CHGA: variants seen among roughly 807,000 people sequenced by gnomAD.
The protein encoded by CHGA is chromogranin-A.
CHGA carries 41 observed loss-of-function variants against 54.4 expected under a neutral mutation model. The observed-to-expected ratio is 0.75, with a 90% CI of 0.59 to 0.98. The LOEUF (loss-of-function observed/expected upper bound fraction) is 0.98, where lower values mean the gene tolerates loss of function less well. CHGA is among the 50% of genes least tolerant of loss of function. CHGA has a pLI of 0.00. For synonymous variants in CHGA, 249 were observed against 232.8 expected, an observed-to-expected ratio of 1.07 and a Z score of -0.63; for missense variants, 576 against 582.3, an observed-to-expected ratio of 0.99 and a Z score of 0.11.
At chr14:92,923,718 C>A (rs1253598360) in intron 1 of CHGA, among the ~76,000 whole-genome samples, 1 of 152,216 alleles carries the variant, frequency 6.6e-6, no homozygotes, top group East Asian at 1.9e-4. Flanking sequence ...AAGGTCACTG[C>A]GGGGAGGTGG....
At chr14:92,923,508 C>G (rs1449883895) in intron 1 of CHGA, 103 bp downstream of exon 1, 1 of 1,070,000 alleles carries the variant, frequency 9.3e-7, no homozygotes, top group Non-Finnish European at 1.2e-6. Context: ...CACTTCCCTT[C>G]GGGCGCGGCG....
chr14:92,930,605 G>A (rs951062646), intron 5 of CHGA, among the ~76,000 whole-genome samples: 1 of 152,232 alleles, frequency 6.6e-6, no homozygotes, highest in African/African-American at 2.4e-5. Flanking sequence ...CAAACTGTGA[G>A]ATGGACAGGT....
Position 92,932,178 on chromosome 14 carries a change from C to G in CHGA, c.809-192C>G. On this transcript the variant is annotated intron_variant, in intron 6 of 7. Transcript: ENST00000216492. The surrounding 1 kb of genome is among the most constrained non-coding windows in gnomAD (Gnocchi z 5.3). The stretch of plus-strand genomic sequence containing the variant: ...GGTGAGGATGAGGGGAAGAGGCAGG[C>G]TCCAGCTAACCCACCCCTCTGAGCC... The G allele has an allele frequency of 1.4e-6, 1 of 695,622 alleles. No homozygotes were observed. Among genetic ancestry groups the G allele is most frequent in the Non-Finnish European group, 2.3e-6 (1 of 440,898 alleles). 43.1% of individuals were successfully genotyped at this position (695,622 alleles called of 1,614,324 possible).
At chr14:92,929,180 G>A (rs770329364) in intron 4 of CHGA, among the ~76,000 whole-genome samples, 1 of 152,230 alleles carries the variant, frequency 6.6e-6, no homozygotes, top group Non-Finnish European at 1.5e-5. Flanking sequence ...GGGCTCAGAT[G>A]TAGGCACAGG....
intron 3 of CHGA, 86 bp downstream of exon 3, chr14:92,926,784 T>C (rs1886894900): frequency 1.8e-6 from 2 of 1,120,022 alleles, no homozygotes; most frequent in Middle Eastern, 2.4e-4. Context: ...GTGGAATTAA[T>C]GATTTAACTC....
At position 92,923,241 on chromosome 14, in the gene CHGA, GC is replaced by G; in HGVS notation, c.-114del. The G allele has an allele frequency of 3.3e-6, 3 of 907,192 alleles. No individual in the cohort carries two copies. The highest frequency in any genetic ancestry group is 3.8e-5 in the East Asian group (1 of 26,634). The allele number at this position is 907,192 out of a possible 1,614,324, so 56.2% of individuals were successfully genotyped here. On this transcript the variant is annotated 5_prime_UTR_variant, in exon 1 of 8. Transcript: ENST00000216492. ...AGACGGACGCACGCCGAGGCACTGC[GC>G]CCCCAGCCCCGCGCCGGTGCCACCG...
intron 4 of CHGA, 58 bp from the exon 5 acceptor site, chr14:92,929,659 T>C (rs764521501): frequency 1.2e-4 from 184 of 1,503,820 alleles, no homozygotes; most frequent in Non-Finnish European, 1.6e-4. Context: ...TTCACTCTTA[T>C]AGACAAATAT....
Position 92,932,707 on chromosome 14 carries a change from C to A in CHGA, c.1146C>A (p.Gly382=). Residue 382 remains glycine, a synonymous_variant, in exon 7 of 8, where the codon GGC becomes GGA. Transcript: ENST00000216492. This position sits in a 1 kb window ranked among gnomAD's most constrained non-coding sequence, Gnocchi z 5.3. The stretch of plus-strand genomic sequence containing the variant: ...TCTCCTTCCGGGCCCGGGCCTACGG[C>A]TTCAGGGGCCCTGGGCCGCAGCTGC... ...MKLSFRARAY[G]FRGPGPQLRR... is the part of the protein sequence containing the mutation. 1 of 1,611,264 alleles carries A rather than the reference C, an allele frequency of 6.2e-7. No homozygotes were observed.
At chr14:92,928,590 A>G (rs557065555) in intron 4 of CHGA, among the ~76,000 whole-genome samples, 168 of 152,376 alleles carry the variant, frequency 1.1e-3, no homozygotes, top group African/African-American at 4.0e-3. Context: ...TTAACTAAGC[A>G]TTAAATATTT....
At chr14:92,927,756 G>C in intron 4 of CHGA, 138 bp downstream of exon 4, 1 of 719,654 alleles carries the variant, frequency 1.4e-6, no homozygotes, top group Non-Finnish European at 2.3e-6. Flanking sequence ...AGGATCCGCC[G>C]TGCCACCTGG....
Position 92,932,913 on chromosome 14 carries a change from C to A in CHGA, c.1290+62C>A. The A allele has an allele frequency of 2.8e-6, 4 of 1,448,148 alleles. No homozygotes were observed. The highest frequency in any genetic ancestry group is 3.6e-6 in the Non-Finnish European group (4 of 1,098,614). The allele number at this position is 1,448,148 out of a possible 1,614,324, so 89.7% of individuals were successfully genotyped here. A position where few individuals can be genotyped will look rare whatever the true frequency, so the allele number is the denominator to read the frequency against. On this transcript the variant is annotated intron_variant, in intron 7 of 7. Transcript: ENST00000216492. The surrounding 1 kb of genome is among the most constrained non-coding windows in gnomAD (Gnocchi z 5.3). ...ACGGAGCAGCAGGGGGCAGCCGCACCCAGACACACTGCCCCTGCCCCACTG... is the reference window on the plus strand; with the variant it reads ...ACGGAGCAGCAGGGGGCAGCCGCACACAGACACACTGCCCCTGCCCCACTG...
chr14:92,928,682 A>G (rs2295398), intron 4 of CHGA, among the ~76,000 whole-genome samples: 41,002 of 152,052 alleles, frequency 0.27, 5,666 homozygotes, highest in East Asian at 0.4. Flanking sequence ...GTCAACAGAG[A>G]CTATTATAGG....
At position 92,932,272 on chromosome 14, in the gene CHGA, G is replaced by C; in HGVS notation, c.809-98G>C. The stretch of plus-strand genomic sequence containing the variant: ...TAAGCGTCATCACTGTGGAGAGGCT[G>C]GGCTGTGGCCGCAGCAGAGGCCCCC... On this transcript the variant is annotated intron_variant, in intron 6 of 7. Coordinates refer to ENST00000216492, the MANE Select transcript of CHGA (RefSeq NM_001275.4). This position sits in a 1 kb window ranked among gnomAD's most constrained non-coding sequence, Gnocchi z 5.3. The C allele has an allele frequency of 7.0e-7, 1 of 1,438,412 alleles. No homozygotes were observed. 89.1% of individuals were successfully genotyped at this position (1,438,412 alleles called of 1,614,324 possible).
In CHGA at chr14:92,926,549, G is replaced by A. The variant is rs946132526; in HGVS notation, c.94-56G>A. On this transcript the variant is annotated intron_variant, in intron 2 of 7. Transcript: ENST00000216492. ...CTAGAAATTCACCCTAGAGCCTCCA[G>A]GGACTGAGCCCCATGCTCAAACCAG... 4.8e-6 allele frequency: 7 copies of A among 1,454,688 alleles called. No individual in the cohort carries two copies. The African/African-American group carries it at 5.6e-5, about 12-fold the overall frequency. 90.1% of individuals were successfully genotyped at this position (1,454,688 alleles called of 1,614,324 possible).
chr14:92,923,145 C>G (rs1886815333), upstream of CHGA: 16 of 353,284 alleles, frequency 4.5e-5, no homozygotes, highest in East Asian at 7.2e-4. Context: ...GAGGGCGCTG[C>G]TGCTGCCACC....
chr14:92,924,253 G>T lies in CHGA; in HGVS notation c.93+8G>T. 1.2e-6 allele frequency: 2 copies of T among 1,611,074 alleles called. No homozygotes were observed. The highest frequency in any genetic ancestry group is 1.7e-6 in the Non-Finnish European group (2 of 1,179,160). ...AATAAAGGGGATACCGAGGTAAGAA[G>T]GGGTGCTGGGGATGAGGGGTAGGAG... On this transcript the variant is annotated splice_region_variant and intron_variant, in intron 2 of 7. Coordinates refer to ENST00000216492, the MANE Select transcript of CHGA (RefSeq NM_001275.4).
intron 1 of CHGA, 29 bp from the exon 2 acceptor site, chr14:92,924,170 T>C: frequency 6.2e-7 from 1 of 1,606,304 alleles, no homozygotes; most frequent in African/African-American, 1.3e-5. Flanking sequence ...AGCAGAGGAG[T>C]GACCCCAGCA....
Position 92,932,785 on chromosome 14 carries a change from C to T in CHGA, c.1224C>T (p.Pro408=), listed in dbSNP as rs1488784369. The change falls in exon 7 of 8, where the codon CCC becomes CCT. Residue 408 remains proline (P), a synonymous_variant. Coordinates refer to ENST00000216492, the MANE Select transcript of CHGA (RefSeq NM_001275.4). The surrounding 1 kb of genome is among the most constrained non-coding windows in gnomAD (Gnocchi z 5.3). ...SREDSLEAGL[P]LQVRGYPEEK... ...AGGACAGCCTTGAGGCGGGCCTGCC[C>T]CTCCAGGTCCGAGGCTACCCCGAGG... 1 of 1,580,588 alleles carries T rather than the reference C, an allele frequency of 6.3e-7. No individual in the cohort carries two copies. Among genetic ancestry groups the T allele is most frequent in the Admixed American group, 1.8e-5 (1 of 56,196 alleles).
intron 4 of CHGA, 114 bp downstream of exon 4, chr14:92,927,732 T>C (rs1476827811): frequency 2.3e-6 from 2 of 872,120 alleles, no homozygotes; most frequent in East Asian, 5.0e-5. Flanking sequence ...CTTTTAATTA[T>C]AAAGCGGAAA....
Sources: gnomAD v4.1 joint callset for allele counts (sites outside exome capture counted in the v4.1 genomes callset) on GRCh38, gnomAD v4.1.1 for gene constraint, Gnocchi (gnomAD v3.1) non-coding constraint, MANE v1.5 for transcripts, NCBI Gene and HGNC (gene_info 2026-07-23, HGNC 2026-07-21) for gene names.